The following CEP85 variants were observed in gnomAD, a reference collection of about 807,000 sequenced individuals.
CEP85 encodes the protein centrosomal protein of 85 kDa.
Under a neutral mutation model 93.7 loss-of-function variants are expected in CEP85, and 58 were observed. The observed-to-expected ratio is 0.62, with a 90% CI of 0.50 to 0.77. The LOEUF is 0.77. Among genes scored for constraint, CEP85 ranks in the 30% least tolerant of loss-of-function variants. The pLI is 0.00. For missense variants in CEP85, 868 were observed against 922.0 expected, an observed-to-expected ratio of 0.94 and a Z score of 0.76; for synonymous variants, 314 against 338.6, an observed-to-expected ratio of 0.93 and a Z score of 0.80.
chr1:26,256,955 G>GTGTGTGTGTGTGTGTGT (rs747449589), intron 4 of CEP85, among the ~76,000 whole-genome samples: 6 of 150,116 alleles, frequency 4.0e-5, no homozygotes, highest in South Asian at 2.1e-4. Context: ...GTGTGTGTGT[G>GTGTGTGTGTGTGTGTGT]TTTTGGAGAC....
intron 11 of CEP85, among the ~76,000 whole-genome samples, chr1:26,274,385 T>C (rs1376150213): frequency 2.0e-5 from 3 of 152,216 alleles, no homozygotes; most frequent in Non-Finnish European, 4.4e-5. Flanking sequence ...CTCAGCTGAA[T>C]AGCACATTCC....
At chr1:26,276,494 C>T in intron 12 of CEP85, 41 bp from the exon 13 acceptor site, 2 of 1,495,354 alleles carry the variant, frequency 1.3e-6, no homozygotes, top group African/African-American at 1.4e-5. Flanking sequence ...TCTTCCTCTC[C>T]CTGGGCCTGA....
intron 7 of CEP85, among the ~76,000 whole-genome samples, chr1:26,261,485 G>T (rs1421448767): frequency 6.6e-6 from 1 of 151,864 alleles, no homozygotes; most frequent in East Asian, 1.9e-4. Context: ...AAAAATAAAA[G>T]AAAGTTGGGT....
rs567012962 is a variant in CEP85 at position 26,255,656 on chromosome 1, G to A, written c.694G>A (p.Gly232Arg). The change falls in exon 4 of 14, where the codon GGG (glycine) becomes AGG (arginine). Residue 232 changes from glycine to arginine, a missense_variant. Transcript: ENST00000451429. ...LPEAKKAPGS[G>R]AVFERNGPHS... ...TGAGGCCAAGAAGGCACCGGGCAGC[G>A]GGGCAGTGTTTGAGCGGAATGGACC... 15 of 1,614,002 alleles carry A rather than the reference G, an allele frequency of 9.3e-6. No individual in the cohort carries two copies. Among genetic ancestry groups the A allele is most frequent in the Admixed American group, 3.3e-5 (2 of 59,980 alleles).
chr1:26,263,117 G>C (rs1269212873), intron 7 of CEP85: 2 of 191,494 alleles, frequency 1.0e-5, no homozygotes, highest in Admixed American at 1.0e-4. Flanking sequence ...TAGTTCCTGG[G>C]ATGTTTTACA....
intron 3 of CEP85, chr1:26,254,898 G>A (rs753717517): frequency 8.5e-5 from 36 of 423,834 alleles, no homozygotes; most frequent in Non-Finnish European, 1.3e-4. Context: ...AGCTTTGTCT[G>A]TTGACTGACA....
chr1:26,269,387 A>T, intron 8 of CEP85, 73 bp from the exon 9 acceptor site: 1 of 1,449,778 alleles, frequency 6.9e-7, no homozygotes, highest in Non-Finnish European at 9.6e-7. Context: ...TTTCTTTGTG[A>T]CACCGAGGAA....
chr1:26,276,523 C>CT lies in CEP85; in HGVS notation c.1903-11dup, dbSNP rs754618618. On this transcript the variant is annotated splice_polypyrimidine_tract_variant and intron_variant, in intron 12 of 13. Transcript: ENST00000451429. ...GGCCTGAGTTAATGTGCTTACCCATCTGTCTGCTCAGCTTTCAGTGCAAAA... is the reference window on the plus strand; with the variant it reads ...GGCCTGAGTTAATGTGCTTACCCATCTTGTCTGCTCAGCTTTCAGTGCAAAA... The CT allele has an allele frequency of 6.2e-7, 1 of 1,607,776 alleles. No individual in the cohort carries two copies. Among genetic ancestry groups the CT allele is most frequent in the African/African-American group, 1.3e-5 (1 of 74,918 alleles).
intron 3 of CEP85, among the ~76,000 whole-genome samples, chr1:26,246,542 T>C (rs1049358128): frequency 6.6e-6 from 1 of 152,124 alleles, no homozygotes; most frequent in Non-Finnish European, 1.5e-5. Flanking sequence ...GAGACCAGCC[T>C]GGGCAACACG....
At chr1:26,258,690 G>C (rs924036458) in intron 6 of CEP85, among the ~76,000 whole-genome samples, 1 of 151,978 alleles carries the variant, frequency 6.6e-6, no homozygotes, top group African/African-American at 2.4e-5. Flanking sequence ...TCCGCCTCCC[G>C]GGTTCAAGCA....
At chr1:26,235,959 G>A (rs1450652271) in intron 1 of CEP85, among the ~76,000 whole-genome samples, 1 of 152,174 alleles carries the variant, frequency 6.6e-6, no homozygotes, top group Non-Finnish European at 1.5e-5. Flanking sequence ...ATAAAGCCTA[G>A]GTGATGACCA....
At chr1:26,259,562 G>A in intron 6 of CEP85, 55 bp from the exon 7 acceptor site, 1 of 1,455,556 alleles carries the variant, frequency 6.9e-7, no homozygotes, top group Non-Finnish European at 9.3e-7. Context: ...AATAAGTAAA[G>A]TACATGAGAC....
At chr1:26,248,018 AACTAT>A (rs754565498) in intron 3 of CEP85, among the ~76,000 whole-genome samples, 1 of 152,178 alleles carries the variant, frequency 6.6e-6, no homozygotes, top group Non-Finnish European at 1.5e-5. Flanking sequence ...TGTGCTCAGT[AACTAT>A]TGAGTAGAAT....
chr1:26,262,805 C>A (rs370061350), intron 7 of CEP85, among the ~76,000 whole-genome samples: 18 of 152,204 alleles, frequency 1.2e-4, no homozygotes, highest in African/African-American at 3.9e-4. Context: ...TCTAGTGAAT[C>A]TTCTCACTTC....
chr1:26,261,812 T>C (rs1177497167), intron 7 of CEP85, among the ~76,000 whole-genome samples: 1 of 152,168 alleles, frequency 6.6e-6, no homozygotes, highest in Non-Finnish European at 1.5e-5. Context: ...TGCTCTTCAA[T>C]TTTTATTTCT....
At chr1:26,246,150 A>AG (rs2089506113) in intron 3 of CEP85, among the ~76,000 whole-genome samples, 1 of 152,156 alleles carries the variant, frequency 6.6e-6, no homozygotes, top group Non-Finnish European at 1.5e-5. Context: ...CATTGCTGGT[A>AG]GGAATGTAAA....
In CEP85 at chr1:26,255,520, T is replaced by C. The variant is rs1401015114; in HGVS notation, c.558T>C (p.Ser186=). ...ARKFDIPSME[S]TLNQSAMMET... is the part of the protein sequence containing the mutation. Reference sequence around the variant, plus strand: ...AGTTTGATATTCCTAGCATGGAATCTACCCTCAATCAGTCGGCAATGATGG... The same window carrying C: ...AGTTTGATATTCCTAGCATGGAATCCACCCTCAATCAGTCGGCAATGATGG... Residue 186 remains serine, a synonymous_variant, in exon 4 of 14, where the codon TCT becomes TCC. Transcript: ENST00000451429. 1 of 1,614,100 alleles carries C rather than the reference T, an allele frequency of 6.2e-7. No individual in the cohort carries two copies.
At chr1:26,269,872 C>T (rs868411582) in intron 9 of CEP85, among the ~76,000 whole-genome samples, 19 of 146,798 alleles carry the variant, frequency 1.3e-4, no homozygotes, top group African/African-American at 3.0e-4. Flanking sequence ...CTGCAAGCTC[C>T]GCCTCCCAGG....
chr1:26,255,614 T>C lies in CEP85; in HGVS notation c.652T>C (p.Leu218=), dbSNP rs369014809. 8.7e-6 allele frequency: 14 copies of C among 1,613,200 alleles called. No homozygotes were observed. Among genetic ancestry groups the C allele is most frequent in the Middle Eastern group, 3.3e-4 (2 of 6,084 alleles). Residue 218 remains leucine (L), a synonymous_variant, in exon 4 of 14, where the codon TTG becomes CTG. Transcript: ENST00000451429. The part of the protein sequence containing the change: ...HNPRTSTSKE[L]YRVLPEAKKA... ...CCCAAGAACCAGCACAAGTAAGGAG[T>C]TGTACAGAGTGTTGCCTGAGGCCAA... is the stretch of plus-strand genomic sequence containing the variant.
Sources: allele counts gnomAD v4.1 joint callset (sites outside exome capture counted in the v4.1 genomes callset), GRCh38; gene constraint gnomAD v4.1.1; transcripts MANE v1.5; gene names NCBI Gene and HGNC (gene_info 2026-07-23, HGNC 2026-07-21).